SEMA3E: variants seen among roughly 807,000 people sequenced by gnomAD.
The protein encoded by SEMA3E is semaphorin 3E.
SEMA3E carries 49 observed loss-of-function variants against 93.6 expected under a neutral mutation model. The observed-to-expected ratio is 0.52, with a 90% CI of 0.42 to 0.66. SEMA3E has a LOEUF of 0.66. SEMA3E is among the 30% of genes least tolerant of loss of function. The pLI, the probability that SEMA3E is intolerant of heterozygous loss-of-function variation, is 0.00. For missense variants in SEMA3E, 906 were observed against 964.8 expected (o/e 0.94, Z 0.81); for synonymous variants, 363 against 330.7 (o/e 1.10, Z -1.06).
At chr7:83,417,702 T>C (rs930440543) in intron 5 of SEMA3E, among the ~76,000 whole-genome samples, 5 of 152,122 alleles carry the variant, frequency 3.3e-5, no homozygotes, top group Non-Finnish European at 7.4e-5. Context: ...AGTGCTGAAA[T>C]AGTTTGCCAA....
At chr7:83,430,231 G>A (rs533778731) in intron 4 of SEMA3E, among the ~76,000 whole-genome samples, 17 of 152,204 alleles carry the variant, frequency 1.1e-4, no homozygotes, top group African/African-American at 3.1e-4. Flanking sequence ...TTGGGAAGCC[G>A]AGGCGGGTGG....
At chr7:83,480,693 A>G (rs1790126616) in intron 2 of SEMA3E, among the ~76,000 whole-genome samples, 1 of 152,114 alleles carries the variant, frequency 6.6e-6, no homozygotes. Flanking sequence ...AAACTTAACA[A>G]TTTTACTGAA....
chr7:83,513,044 T>G (rs774924247), intron 1 of SEMA3E, among the ~76,000 whole-genome samples: 1 of 152,226 alleles, frequency 6.6e-6, no homozygotes, highest in Non-Finnish European at 1.5e-5. Context: ...ATCACATCAA[T>G]TATAATATGA....
At chr7:83,452,342 CA>C (rs1420753371) in intron 4 of SEMA3E, among the ~76,000 whole-genome samples, 1 of 152,156 alleles carries the variant, frequency 6.6e-6, no homozygotes, top group Non-Finnish European at 1.5e-5. Flanking sequence ...AAAAAGCCCT[CA>C]TAGTGGCTCC....
chr7:83,419,651 T>A (rs1193808549), intron 4 of SEMA3E, among the ~76,000 whole-genome samples: 1 of 152,146 alleles, frequency 6.6e-6, no homozygotes, highest in Non-Finnish European at 1.5e-5. Context: ...TACCTCATTG[T>A]GGTTTTGATT....
chr7:83,529,787 G>T (rs1791247968), intron 1 of SEMA3E, among the ~76,000 whole-genome samples: 1 of 152,024 alleles, frequency 6.6e-6, no homozygotes, highest in Admixed American at 6.6e-5. Flanking sequence ...AACTCTAATT[G>T]GGTCAAGCAT....
intron 1 of SEMA3E, among the ~76,000 whole-genome samples, chr7:83,611,940 C>T (rs1460753285): frequency 6.6e-6 from 1 of 152,090 alleles, no homozygotes; most frequent in African/African-American, 2.4e-5. Flanking sequence ...ACATGATCAG[C>T]TCCCCAATTG....
At chr7:83,476,979 A>G (rs1790024279) in intron 2 of SEMA3E, among the ~76,000 whole-genome samples, 1 of 152,138 alleles carries the variant, frequency 6.6e-6, no homozygotes, top group African/African-American at 2.4e-5. Flanking sequence ...TCAACGGAGA[A>G]AAATAAAATA....
intron 4 of SEMA3E, among the ~76,000 whole-genome samples, chr7:83,429,624 T>C (rs1788841893): frequency 1.3e-5 from 2 of 152,192 alleles, no homozygotes; most frequent in Admixed American, 6.5e-5. Flanking sequence ...CTTTTGTTTT[T>C]GAAGGAAGTC....
chr7:83,624,502 T>C (rs1793629277), intron 1 of SEMA3E, among the ~76,000 whole-genome samples: 1 of 152,206 alleles, frequency 6.6e-6, no homozygotes, highest in Non-Finnish European at 1.5e-5. Flanking sequence ...CCTATGTTTG[T>C]TGGCCACTTA....
intron 9 of SEMA3E, among the ~76,000 whole-genome samples, chr7:83,403,129 G>A (rs981030645): frequency 6.6e-6 from 1 of 151,840 alleles, no homozygotes; most frequent in Non-Finnish European, 1.5e-5. Context: ...TACTCATTTA[G>A]ATATTATCTC....
At chr7:83,528,497 C>T (rs77682182) in intron 1 of SEMA3E, among the ~76,000 whole-genome samples, 1,675 of 152,028 alleles carry the variant, frequency 0.011, 29 homozygotes, top group African/African-American at 0.039. Flanking sequence ...AACAAGAGCA[C>T]GAAGCTTGGC....
chr7:83,392,507 A>T lies in SEMA3E; in HGVS notation c.1667+48T>A. 5.4e-6 allele frequency: 8 copies of T among 1,488,994 alleles called. No homozygotes were observed. In the South Asian group the frequency reaches 5.8e-5, roughly 11 times the overall value. The allele number at this position is 1,488,994 out of a possible 1,614,324, so 92.2% of individuals were successfully genotyped here. On this transcript the variant is annotated intron_variant, in intron 14 of 16. Transcript: ENST00000643230. ...TTAAAAAAAAAAAAAAAAAAGCATT[A>T]GGGTTTTCCTAAGCAAGGGAAATAG... is the stretch of plus-strand genomic sequence containing the variant.
At chr7:83,554,728 G>C (rs1001212334) in intron 1 of SEMA3E, among the ~76,000 whole-genome samples, 1 of 152,110 alleles carries the variant, frequency 6.6e-6, no homozygotes, top group African/African-American at 2.4e-5. Flanking sequence ...TGTAATCCCA[G>C]CACTTTGGGA....
At chr7:83,396,775 T>C (rs976917415) in intron 11 of SEMA3E, 46 bp from the exon 12 acceptor site, 3 of 1,363,112 alleles carry the variant, frequency 2.2e-6, no homozygotes, top group East Asian at 2.5e-5. Context: ...TATGTCACAG[T>C]ACGGTTTTCA....
At chr7:83,469,013 A>T (rs1444571817) in intron 3 of SEMA3E, among the ~76,000 whole-genome samples, 1 of 152,228 alleles carries the variant, frequency 6.6e-6, no homozygotes, top group Non-Finnish European at 1.5e-5. Context: ...GTTGATTAAG[A>T]TATTAGAAAA....
At chr7:83,442,710 AC>A (rs1188416698) in intron 4 of SEMA3E, among the ~76,000 whole-genome samples, 11 of 151,988 alleles carry the variant, frequency 7.2e-5, no homozygotes, top group Non-Finnish European at 4.4e-5. Flanking sequence ...GTATGTTTAG[AC>A]CATCCTCTAC....
At chr7:83,584,161 A>T (rs1200577132) in intron 1 of SEMA3E, among the ~76,000 whole-genome samples, 1 of 152,196 alleles carries the variant, frequency 6.6e-6, no homozygotes, top group Non-Finnish European at 1.5e-5. Flanking sequence ...TATTAACCAT[A>T]AAAAACAATG....
At chr7:83,600,477 GC>G (rs1314518542) in intron 1 of SEMA3E, among the ~76,000 whole-genome samples, 1 of 122,388 alleles carries the variant, frequency 8.2e-6, no homozygotes, top group Non-Finnish European at 1.7e-5. Context: ...CCGCCACCAC[GC>G]CCAGCTAATT....
Sources: gnomAD v4.1 joint callset for allele counts (sites outside exome capture counted in the v4.1 genomes callset) on GRCh38, gnomAD v4.1.1 for gene constraint, MANE v1.5 for transcripts, NCBI Gene and HGNC (gene_info 2026-07-23, HGNC 2026-07-21) for gene names.